Variants in CARMIL1 observed in about 807,000 individuals in gnomAD.
CARMIL1 encodes the protein F-actin-uncapping protein LRRC16A.
A neutral mutation model predicts 177.1 loss-of-function variants in CARMIL1; 90 were observed. The observed-to-expected ratio is 0.51, with a 90% CI of 0.43 to 0.61. CARMIL1 has a LOEUF of 0.61. Among genes scored for constraint, CARMIL1 ranks in the 20% least tolerant of loss-of-function variants. CARMIL1 has a pLI of 0.00. For missense variants in CARMIL1, 1,380 were observed against 1,667.0 expected (o/e 0.83, Z 3.00); for synonymous variants, 577 against 606.2 (o/e 0.95, Z 0.71).
At chr6:25,514,538 G>A (rs1237780266) in intron 20 of CARMIL1, among the ~76,000 whole-genome samples, 3 of 121,676 alleles carry the variant, frequency 2.5e-5, no homozygotes, top group South Asian at 2.8e-4. Flanking sequence ...GGGACAGAGC[G>A]AGACCTTGTC....
chr6:25,459,279 T>TCTTTCTTTC (rs1799926404), intron 8 of CARMIL1, among the ~76,000 whole-genome samples: 2 of 142,984 alleles, frequency 1.4e-5, no homozygotes, highest in African/African-American at 2.5e-5. Flanking sequence ...TTTTTTTTTT[T>TCTTTCTTTC]TAAGACAGGG....
intron 31 of CARMIL1, among the ~76,000 whole-genome samples, chr6:25,581,703 C>T (rs1274670064): frequency 1.3e-5 from 2 of 151,976 alleles, no homozygotes; most frequent in Non-Finnish European, 2.9e-5. Flanking sequence ...ACAGAGCTGC[C>T]CTTGGAAATC....
intron 3 of CARMIL1, among the ~76,000 whole-genome samples, chr6:25,423,657 C>G (rs190094128): frequency 2.6e-4 from 39 of 152,052 alleles, no homozygotes; most frequent in African/African-American, 8.9e-4. Flanking sequence ...AGAACAGGCT[C>G]CTTATCACTT....
chr6:25,382,210 G>T (rs559827557), intron 2 of CARMIL1, among the ~76,000 whole-genome samples: 1 of 152,286 alleles, frequency 6.6e-6, no homozygotes, highest in Admixed American at 6.5e-5. Flanking sequence ...CGATTCTCAT[G>T]CCTCAGTCTC....
chr6:25,361,406 C>A (rs553676759), intron 2 of CARMIL1, among the ~76,000 whole-genome samples: 1 of 152,060 alleles, frequency 6.6e-6, no homozygotes, highest in Non-Finnish European at 1.5e-5. Flanking sequence ...CCCACCCCAC[C>A]CTTCCAAGCT....
intron 17 of CARMIL1, among the ~76,000 whole-genome samples, chr6:25,508,796 A>G (rs1054916335): frequency 1.3e-5 from 2 of 152,194 alleles, no homozygotes; most frequent in Non-Finnish European, 2.9e-5. Flanking sequence ...AAGTTTACAG[A>G]GCAAAAGGGC....
chr6:25,498,677 T>TGA (rs1409826045), intron 16 of CARMIL1, among the ~76,000 whole-genome samples: 7 of 152,210 alleles, frequency 4.6e-5, no homozygotes, highest in African/African-American at 1.2e-4. Flanking sequence ...CCTAACTCTC[T>TGA]CATTTTACTG....
chr6:25,321,807 C>T (rs1440350489), intron 2 of CARMIL1, among the ~76,000 whole-genome samples: 11 of 151,880 alleles, frequency 7.2e-5, no homozygotes, highest in African/African-American at 2.2e-4. Flanking sequence ...TACAGGCGCC[C>T]GCCACCACGC....
rs188269576 is a variant in CARMIL1, at chr6:25,428,903, A to G, written c.249+2343A>G. Among the ~76,000 whole-genome samples the G allele has an allele frequency of 1.6e-3, 236 of 152,234 alleles. 1 individual carries two copies. The highest frequency in any genetic ancestry group is 5.6e-3 in the African/African-American group (233 of 41,550). On this transcript the variant is annotated intron_variant, in intron 4 of 36. Coordinates refer to ENST00000329474, the MANE Select transcript of CARMIL1 (RefSeq NM_017640.6). ...TGTAACCTGCTATCTTGTTCTACTC[A>G]CGTATTAGTTCTAGTAGCTTTTAAA...
At chr6:25,357,143 C>G (rs1340291499) in intron 2 of CARMIL1, among the ~76,000 whole-genome samples, 2 of 147,894 alleles carry the variant, frequency 1.4e-5, no homozygotes, top group African/African-American at 2.5e-5. Context: ...AATTTTTTCT[C>G]AGGAGGATTT....
chr6:25,321,097 TTGTC>T (rs1160492939), intron 2 of CARMIL1, among the ~76,000 whole-genome samples: 1 of 137,172 alleles, frequency 7.3e-6, no homozygotes, highest in African/African-American at 2.7e-5. Flanking sequence ...CACCCATTGG[TTGTC>T]TGGCCTCTGC....
chr6:25,412,190 C>T (rs1429903298), intron 2 of CARMIL1, among the ~76,000 whole-genome samples: 2 of 152,232 alleles, frequency 1.3e-5, no homozygotes, highest in African/African-American at 4.8e-5. Flanking sequence ...TGTAGCAATT[C>T]TCATGTGCCA....
intron 11 of CARMIL1, 55 bp from the exon 12 acceptor site, chr6:25,482,197 TTGTAA>T: frequency 1.3e-6 from 1 of 783,690 alleles, no homozygotes; most frequent in Non-Finnish European, 2.2e-6. Context: ...TTTTCATCCA[TTGTAA>T]AAAATGCAAT....
At chr6:25,538,070 C>T (rs2151126808) in intron 25 of CARMIL1, 87 bp downstream of exon 25, 1 of 1,406,648 alleles carries the variant, frequency 7.1e-7, no homozygotes, top group East Asian at 2.5e-5. Context: ...TCAACTTTCT[C>T]TCTCTACCCA....
chr6:25,435,390 A>G lies in CARMIL1; in HGVS notation c.250-93A>G, dbSNP rs1021448553. The G allele has an allele frequency of 2.1e-6, 3 of 1,404,086 alleles. No homozygotes were observed. In the Admixed American group the frequency reaches 7.5e-5, roughly 35 times the overall value. The allele number at this position is 1,404,086 out of a possible 1,614,324, so 87.0% of individuals were successfully genotyped here. On this transcript the variant is annotated intron_variant, in intron 4 of 36. Coordinates refer to ENST00000329474, the MANE Select transcript of CARMIL1 (RefSeq NM_017640.6). ...AAAAGCTAATATTGTATTAGTATAT[A>G]TCTGTGTGACTATGTAGTTTACAAT...
chr6:25,551,078 AAAATTAGGTAG>A lies in CARMIL1; in HGVS notation c.2498_2504+4del, dbSNP rs1810054023. ...GCAGTCTGGAATTGATATCCTTAAC[AAAATTAGGTAG>A]GTTTATAATGTTAATAAACCTAGGA... is the stretch of plus-strand genomic sequence containing the variant. On this transcript the variant is annotated splice_donor_variant and splice_donor_region_variant and coding_sequence_variant and intron_variant, in exon 27 of 37. Transcript: ENST00000329474. LOFTEE classifies it high-confidence loss of function. 6.2e-7 allele frequency: 1 copy of A among 1,612,248 alleles called. No individual in the cohort carries two copies. Among genetic ancestry groups the A allele is most frequent in the African/African-American group, 1.3e-5 (1 of 74,910 alleles).
intron 2 of CARMIL1, among the ~76,000 whole-genome samples, chr6:25,363,923 T>G (rs1789486512): frequency 6.6e-6 from 1 of 152,064 alleles, no homozygotes; most frequent in African/African-American, 2.4e-5. Flanking sequence ...TTTTCTTCCT[T>G]TCTCTCTTCT....
chr6:25,334,846 C>T (rs1259128620), intron 2 of CARMIL1, among the ~76,000 whole-genome samples: 1 of 152,126 alleles, frequency 6.6e-6, no homozygotes, highest in Non-Finnish European at 1.5e-5. Flanking sequence ...TTTAGTTGGC[C>T]AGTCTTGACT....
chr6:25,617,338 C>T (rs1475215475), intron 36 of CARMIL1, among the ~76,000 whole-genome samples: 3 of 152,058 alleles, frequency 2.0e-5, no homozygotes, highest in Non-Finnish European at 4.4e-5. Context: ...TGAATTTCTC[C>T]ATTTTTAGAA....
Sources: gnomAD v4.1 joint callset for allele counts (sites outside exome capture counted in the v4.1 genomes callset) on GRCh38, gnomAD v4.1.1 for gene constraint, MANE v1.5 for transcripts, NCBI Gene and HGNC (gene_info 2026-07-23, HGNC 2026-07-21) for gene names.